Variants in SGIP1 observed in about 807,000 individuals in gnomAD.
SGIP1 encodes SH3GL interacting endocytic adaptor 1, also known as SH3-containing GRB2-like protein 3-interacting protein 1.
A neutral mutation model predicts 107.5 loss-of-function variants in SGIP1; 38 were observed. That is an observed-to-expected ratio of 0.35 (90% CI 0.27 to 0.46). SGIP1 has a LOEUF of 0.46. Ranked by LOEUF, SGIP1 falls within the 20% of genes least tolerant of loss-of-function variation. The probability of loss-of-function intolerance (pLI) is 1.00; values close to 1 mark genes in which losing one functional copy is unlikely to be tolerated. For missense variants in SGIP1, 929 were observed against 1,019.5 expected (o/e 0.91, Z 1.21); for synonymous variants, 365 against 366.1 (o/e 1.00, Z 0.03).
intron 2 of SGIP1, among the ~76,000 whole-genome samples, chr1:66,632,850 G>A (rs939508917): frequency 2.0e-5 from 3 of 152,146 alleles, no homozygotes; most frequent in Non-Finnish European, 4.4e-5. Context: ...GCTTTGGGCT[G>A]CAATTTTTTA....
chr1:66,692,441 T>C (rs1370113612), intron 17 of SGIP1, among the ~76,000 whole-genome samples: 1 of 152,210 alleles, frequency 6.6e-6, no homozygotes, highest in African/African-American at 2.4e-5. Flanking sequence ...TTCCTCACCC[T>C]CCTGCCTCGT....
intron 1 of SGIP1, among the ~76,000 whole-genome samples, chr1:66,620,872 C>T (rs748952722): frequency 6.6e-6 from 1 of 152,242 alleles, no homozygotes; most frequent in Non-Finnish European, 1.5e-5. Context: ...ACCGCCTTCA[C>T]AGGCTTCCAA....
At chr1:66,544,865 C>A (rs1457690364) in intron 1 of SGIP1, among the ~76,000 whole-genome samples, 5 of 152,162 alleles carry the variant, frequency 3.3e-5, no homozygotes, top group African/African-American at 1.2e-4. Context: ...TAGAACCTTA[C>A]TCCTGTGCTA....
At chr1:66,646,038 A>G (rs947267153) in intron 7 of SGIP1, among the ~76,000 whole-genome samples, 1 of 152,052 alleles carries the variant, frequency 6.6e-6, no homozygotes. Context: ...ACAGTGTTTC[A>G]CCACATTGGC....
intron 1 of SGIP1, among the ~76,000 whole-genome samples, chr1:66,598,772 A>T (rs2065198660): frequency 6.6e-6 from 1 of 152,118 alleles, no homozygotes; most frequent in African/African-American, 2.4e-5. Flanking sequence ...ATTCACGAGA[A>T]CTCCGACCCC....
At chr1:66,667,668 T>G (rs972687008) in intron 9 of SGIP1, 127 bp downstream of exon 9, 2 of 836,054 alleles carry the variant, frequency 2.4e-6, no homozygotes, top group Non-Finnish European at 4.1e-6. Flanking sequence ...GAAATAGGTT[T>G]ACTGATTGAA....
At chr1:66,592,084 A>G (rs1254796816) in intron 1 of SGIP1, among the ~76,000 whole-genome samples, 1 of 152,086 alleles carries the variant, frequency 6.6e-6, no homozygotes. Context: ...TCTTATCTCA[A>G]CTGCAAAGAG....
At chr1:66,647,459 C>A (rs929759878) in intron 7 of SGIP1, among the ~76,000 whole-genome samples, 1 of 152,090 alleles carries the variant, frequency 6.6e-6, no homozygotes, top group East Asian at 1.9e-4. Flanking sequence ...AGCTAACATT[C>A]GGGGTTTTAT....
intron 17 of SGIP1, 43 bp downstream of exon 17, chr1:66,690,359 C>G (rs1471409685): frequency 1.6e-5 from 25 of 1,610,040 alleles, no homozygotes; most frequent in Admixed American, 5.0e-5. Context: ...GTGGTTTTGA[C>G]TGGCTATTTT....
chr1:66,651,287 C>T (rs556093980), intron 7 of SGIP1, among the ~76,000 whole-genome samples: 2 of 152,216 alleles, frequency 1.3e-5, no homozygotes, highest in East Asian at 1.9e-4. Flanking sequence ...TTCATGCTCC[C>T]AACAACCTGT....
In SGIP1 at chr1:66,631,099, G is replaced by GAAAA. The variant is rs111505638; in HGVS notation, c.75-1967_75-1964dup. Among the ~76,000 whole-genome samples, 40 of 134,228 alleles carry GAAAA rather than the reference G, an allele frequency of 3.0e-4. No homozygotes were observed. In the East Asian group the frequency reaches 5.2e-3, roughly 17 times the overall value. The allele number at this position is 134,228 out of a possible 152,430, so 88.1% of individuals were successfully genotyped here. A position where few individuals can be genotyped will look rare whatever the true frequency, so the allele number is the denominator to read the frequency against. On this transcript the variant is annotated intron_variant, in intron 2 of 24. Transcript: ENST00000371037. Reference sequence around the variant, plus strand: ...AGAAAGAAAGAAAGAAAGAAAGAAAGAAAAAAAGAAAGACTGACTCAGTAT... The same window carrying GAAAA: ...AGAAAGAAAGAAAGAAAGAAAGAAAGAAAAAAAAAAAGAAAGACTGACTCAGTAT...
chr1:66,742,502 C>T (rs1280313), intron 24 of SGIP1, among the ~76,000 whole-genome samples: 38,352 of 83,120 alleles, frequency 0.46, 7,113 homozygotes, highest in Non-Finnish European at 0.53. Flanking sequence ...CGGAGTCTCA[C>T]TCTGTCGCCC....
At chr1:66,624,145 C>A (rs1054116648) in intron 1 of SGIP1, among the ~76,000 whole-genome samples, 15 of 129,836 alleles carry the variant, frequency 1.2e-4, no homozygotes, top group African/African-American at 4.7e-4. Context: ...CTGTAAAAAC[C>A]AGTGGTGATT....
intron 4 of SGIP1, among the ~76,000 whole-genome samples, chr1:66,636,273 G>C (rs1361174841): frequency 1.3e-5 from 2 of 152,112 alleles, no homozygotes; most frequent in African/African-American, 2.4e-5. Context: ...CATCGACAAA[G>C]GACAGGAATT....
intron 24 of SGIP1, 65 bp from the exon 25 acceptor site, chr1:66,743,008 A>C (rs571056278): frequency 1.5e-5 from 24 of 1,569,732 alleles, no homozygotes; most frequent in Middle Eastern, 3.4e-4. Flanking sequence ...TAGAAAAGTT[A>C]CCCATATAAT....
chr1:66,702,958 A>T (rs186143055), intron 18 of SGIP1, among the ~76,000 whole-genome samples: 1 of 152,236 alleles, frequency 6.6e-6, no homozygotes, highest in African/African-American at 2.4e-5. Flanking sequence ...CAAATGGGGA[A>T]CTAACAAGAA....
At chr1:66,651,909 G>A (rs529942728) in intron 7 of SGIP1, among the ~76,000 whole-genome samples, 2 of 152,090 alleles carry the variant, frequency 1.3e-5, no homozygotes, top group African/African-American at 2.4e-5. Context: ...TAATCAATTG[G>A]CAAGCACTTT....
intron 18 of SGIP1, among the ~76,000 whole-genome samples, chr1:66,712,128 T>C (rs2150354743): frequency 6.6e-6 from 1 of 152,244 alleles, no homozygotes. Context: ...ACTTACTTGG[T>C]GAGATGGTGG....
At position 66,642,773 on chromosome 1, in the gene SGIP1, G is replaced by A. The variant is rs114288985; in HGVS notation, c.229-37G>A. 330 of 1,558,110 alleles carry A rather than the reference G, an allele frequency of 2.1e-4. No homozygotes were observed. The African/African-American group carries it at 4.2e-3, about 20-fold the overall frequency. On this transcript the variant is annotated intron_variant, in intron 5 of 24. Transcript: ENST00000371037. ...AAAAATAATTTCTTGATCACTGTTAGGATAATAATTACTTCATGTGCACTT... is the reference window on the plus strand; with the variant it reads ...AAAAATAATTTCTTGATCACTGTTAAGATAATAATTACTTCATGTGCACTT...
Sources: gnomAD v4.1 joint callset for allele counts (sites outside exome capture counted in the v4.1 genomes callset) on GRCh38, gnomAD v4.1.1 for gene constraint, MANE v1.5 for transcripts, NCBI Gene and HGNC (gene_info 2026-07-23, HGNC 2026-07-21) for gene names.